Variants in HMGN5 observed in about 807,000 individuals in gnomAD.
HMGN5 encodes the protein high mobility group nucleosome binding domain 5.
A neutral mutation model predicts 9.5 loss-of-function variants in HMGN5; 4 were observed. That is an observed-to-expected ratio of 0.42 (90% CI 0.21 to 0.96). The LOEUF is 0.96. HMGN5 is among the 40% of genes least tolerant of loss of function. The pLI is 0.30. For missense variants in HMGN5, 192 were observed against 187.5 expected (o/e 1.02, Z -0.14); for synonymous variants, 55 against 57.1 (o/e 0.96, Z 0.16).
At chrX:81,162,624 C>A (rs926321691) in intron 1 of HMGN5, among the ~76,000 whole-genome samples, 1 of 111,356 alleles carries the variant, frequency 9.0e-6, no homozygotes, top group Non-Finnish European at 1.9e-5. Flanking sequence ...CTAGGCCTGG[C>A]CCCATAATTT....
chrX:81,179,805 C>A (rs776014116), intron 1 of HMGN5, among the ~76,000 whole-genome samples: 2 of 111,716 alleles, frequency 1.8e-5, no homozygotes, highest in South Asian at 7.5e-4. Flanking sequence ...TCAAACTATA[C>A]TACAAGGCTA....
At chrX:81,132,373 C>T (rs779011894) in intron 1 of HMGN5, among the ~76,000 whole-genome samples, 3 of 111,555 alleles carry the variant, frequency 2.7e-5, no homozygotes, top group Non-Finnish European at 5.7e-5. Context: ...TTTTAAAATT[C>T]ATATGGAACC....
Position 81,136,295 on chromosome X carries a change from G to A in HMGN5, c.-123-14623C>T, listed in dbSNP as rs779583623. Among the ~76,000 whole-genome samples, 15 of 111,819 alleles carry A rather than the reference G, an allele frequency of 1.3e-4. No individual in the cohort carries two copies. The South Asian group carries it at 1.5e-3, about 11-fold the overall frequency. On this transcript the variant is annotated intron_variant, in intron 1 of 6. Coordinates refer to ENST00000358130, the MANE Select transcript of HMGN5 (RefSeq NM_030763.3). ...CTGTTAAAAATAAATGTGGGTAAGT[G>A]CAATAAATTCCCTTTTTCCTTGTGA...
At chrX:81,188,939 C>A (rs966046102) in intron 1 of HMGN5, among the ~76,000 whole-genome samples, 11 of 111,046 alleles carry the variant, frequency 9.9e-5, no homozygotes, top group Non-Finnish European at 1.9e-4. Context: ...ATTTTTTTTC[C>A]TGTGTACTCA....
At chrX:81,176,046 G>T (rs1181952534) in intron 1 of HMGN5, among the ~76,000 whole-genome samples, 1 of 111,391 alleles carries the variant, frequency 9.0e-6, no homozygotes, top group Non-Finnish European at 1.9e-5. Flanking sequence ...ACCTCATATA[G>T]GTGGGTGCCC....
intron 1 of HMGN5, among the ~76,000 whole-genome samples, chrX:81,134,535 C>T (rs1352975754): frequency 9.0e-6 from 1 of 111,099 alleles, no homozygotes. Context: ...AACATTTAAA[C>T]CACCCACTAA....
chrX:81,134,750 A>T (rs1051997858), intron 1 of HMGN5, among the ~76,000 whole-genome samples: 4 of 112,151 alleles, frequency 3.6e-5, no homozygotes, highest in Admixed American at 9.5e-5. Context: ...TCATTAAGAC[A>T]GATAGTGGCA....
intron 1 of HMGN5, among the ~76,000 whole-genome samples, chrX:81,178,086 G>A (rs1289271308): frequency 9.0e-6 from 1 of 111,715 alleles, no homozygotes; most frequent in African/African-American, 3.3e-5. Context: ...AAAATTTATA[G>A]CACTAAATGC....
At chrX:81,131,431 A>G (rs2075297497) in intron 1 of HMGN5, among the ~76,000 whole-genome samples, 1 of 111,170 alleles carries the variant, frequency 9.0e-6, no homozygotes, top group Admixed American at 9.6e-5. Flanking sequence ...CCTGCAAAGG[A>G]CCTGTGTGGG....
intron 1 of HMGN5, among the ~76,000 whole-genome samples, chrX:81,130,133 A>T (rs1225269787): frequency 9.0e-6 from 1 of 111,179 alleles, no homozygotes; most frequent in Non-Finnish European, 1.9e-5. Context: ...GTGTGCTTTA[A>T]ACTGGTGGTT....
chrX:81,130,463 T>C (rs1224132084), intron 1 of HMGN5, among the ~76,000 whole-genome samples: 1 of 111,747 alleles, frequency 8.9e-6, no homozygotes, highest in Non-Finnish European at 1.9e-5. Context: ...CCAGAGCCTC[T>C]GCTCTCTTAA....
intron 1 of HMGN5, among the ~76,000 whole-genome samples, chrX:81,153,621 A>G (rs1466057800): frequency 2.0e-5 from 1 of 48,959 alleles, no homozygotes; most frequent in Non-Finnish European, 3.5e-5. Flanking sequence ...ATATATATAT[A>G]TATATATATA....
chrX:81,172,586 A>G (rs2075429429), intron 1 of HMGN5, among the ~76,000 whole-genome samples: 1 of 110,288 alleles, frequency 9.1e-6, no homozygotes, highest in Non-Finnish European at 1.9e-5. Flanking sequence ...AACAAGAAGG[A>G]AACAGTGAAT....
At chrX:81,134,182 T>C (rs1357247164) in intron 1 of HMGN5, among the ~76,000 whole-genome samples, 1 of 111,361 alleles carries the variant, frequency 9.0e-6, no homozygotes, top group Non-Finnish European at 1.9e-5. Flanking sequence ...TTTGGTCTGT[T>C]AGAAATCATG....
chrX:81,160,901 T>C (rs756498478), intron 1 of HMGN5, among the ~76,000 whole-genome samples: 5 of 111,682 alleles, frequency 4.5e-5, no homozygotes, highest in African/African-American at 6.5e-5. Context: ...AACTTTGGTG[T>C]CTTTCACAGA....
intron 1 of HMGN5, among the ~76,000 whole-genome samples, chrX:81,186,117 C>T (rs745661506): frequency 4.5e-5 from 5 of 111,691 alleles, no homozygotes; most frequent in Admixed American, 9.5e-5. Flanking sequence ...CAGAGCAATA[C>T]TGGCCTCATA....
intron 1 of HMGN5, among the ~76,000 whole-genome samples, chrX:81,163,883 G>C (rs896046759): frequency 9.0e-6 from 1 of 111,497 alleles, no homozygotes; most frequent in Admixed American, 9.6e-5. Flanking sequence ...TGAGATCTGA[G>C]ACAGGTTATT....
chrX:81,129,382 T>C (rs1364437349), intron 1 of HMGN5, among the ~76,000 whole-genome samples: 1 of 111,584 alleles, frequency 9.0e-6, no homozygotes, highest in East Asian at 2.8e-4. Flanking sequence ...TAATTACGAG[T>C]GAAGCTGAAC....
At chrX:81,133,611 A>G (rs1014590625) in intron 1 of HMGN5, among the ~76,000 whole-genome samples, 9 of 111,524 alleles carry the variant, frequency 8.1e-5, no homozygotes, top group Admixed American at 1.9e-4. Flanking sequence ...CCAGGAACAG[A>G]AAACCAAATA....
Sources: allele counts gnomAD v4.1 joint callset (sites outside exome capture counted in the v4.1 genomes callset), GRCh38; gene constraint gnomAD v4.1.1; transcripts MANE v1.5; gene names NCBI Gene and HGNC (gene_info 2026-07-23, HGNC 2026-07-21).